USP38: variants seen among roughly 807,000 people sequenced by gnomAD.
The protein encoded by USP38 is ubiquitin carboxyl-terminal hydrolase 38.
A neutral mutation model predicts 94.3 loss-of-function variants in USP38; 49 were observed. The ratio of observed to expected loss-of-function variants is 0.52; its 90% CI spans 0.41 to 0.66. USP38 has a LOEUF of 0.66. Among genes scored for constraint, USP38 ranks in the 30% least tolerant of loss-of-function variants. The pLI, the probability that USP38 is intolerant of heterozygous loss-of-function variation, is 0.00. For missense variants in USP38, 1,128 were observed against 1,229.4 expected (o/e 0.92, Z 1.23); for synonymous variants, 468 against 463.6 (o/e 1.01, Z -0.12).
Position 143,185,531 on chromosome 4 carries a change from A to G in USP38, c.81A>G (p.Glu27=). ...GGGTGATTGTGCGGAAGGTGGTGGA[A>G]TCGGCGGAGCACTGGCTAGACGAGG... The part of the protein sequence containing the change: ...LKRVIVRKVV[E]SAEHWLDEAQ... Residue 27 remains glutamate (E), a synonymous_variant, in exon 1 of 10, where the codon GAA becomes GAG. Transcript: ENST00000307017. 6.2e-7 allele frequency: 1 copy of G among 1,613,494 alleles called. No individual in the cohort carries two copies. The highest frequency in any genetic ancestry group is 1.3e-5 in the African/African-American group (1 of 75,020).
intron 9 of USP38, among the ~76,000 whole-genome samples, chr4:143,216,862 G>A (rs1732198886): frequency 6.6e-6 from 1 of 152,086 alleles, no homozygotes; most frequent in Non-Finnish European, 1.5e-5. Context: ...CCAGGCTGGA[G>A]TGCAGTGGTG....
intron 5 of USP38, among the ~76,000 whole-genome samples, chr4:143,204,162 T>C (rs1731795606): frequency 6.6e-6 from 1 of 152,014 alleles, no homozygotes; most frequent in Admixed American, 6.5e-5. Flanking sequence ...GTATTTTTAG[T>C]AGAGACAGGG....
At chr4:143,192,528 G>A (rs1027070603) in intron 2 of USP38, among the ~76,000 whole-genome samples, 7 of 142,264 alleles carry the variant, frequency 4.9e-5, no homozygotes, top group Non-Finnish European at 7.6e-5. Flanking sequence ...TTTAGGGAGT[G>A]TCTCTATCAG....
Position 143,187,876 on chromosome 4 carries a change from C to T in USP38, c.733C>T (p.Pro245Ser). ...VALASLVQHI[P>S]LQMITVLIRS... ...ATTGGCAAGCCTTGTGCAGCATATTCCTCTTCAGATGATTACAGTTCTCAT... is the reference window on the plus strand; with the variant it reads ...ATTGGCAAGCCTTGTGCAGCATATTTCTCTTCAGATGATTACAGTTCTCAT... The change falls in exon 2 of 10, where the codon CCT (proline) becomes TCT (serine). Residue 245 changes from proline to serine, a missense_variant. By Grantham distance (74) the Pro-to-Ser change is moderately conservative (BLOSUM62 -1). Coordinates refer to ENST00000307017, the MANE Select transcript of USP38 (RefSeq NM_032557.6). 2 of 1,613,614 alleles carry T rather than the reference C, an allele frequency of 1.2e-6. No individual in the cohort carries two copies. The highest frequency in any genetic ancestry group is 1.7e-5 in the Admixed American group (1 of 59,968).
intron 9 of USP38, chr4:143,215,250 C>T: frequency 3.0e-6 from 1 of 334,478 alleles, no homozygotes; most frequent in East Asian, 6.3e-5. Context: ...CCTCCCTCTT[C>T]CTCTCAGCCT....
At chr4:143,194,153 C>T (rs1177654045) in intron 2 of USP38, among the ~76,000 whole-genome samples, 2 of 152,154 alleles carry the variant, frequency 1.3e-5, no homozygotes, top group Non-Finnish European at 2.9e-5. Flanking sequence ...TATTTATGTC[C>T]TTAGTGTTTA....
At chr4:143,188,492 T>C (rs1168522383) in intron 2 of USP38, among the ~76,000 whole-genome samples, 1 of 152,124 alleles carries the variant, frequency 6.6e-6, no homozygotes, top group Non-Finnish European at 1.5e-5. Context: ...CCTTTGGGCA[T>C]CTGTTGTTGC....
Position 143,185,717 on chromosome 4 carries a change from T to C in USP38, c.267T>C (p.Leu89=). ...FFNKTFVLGL[L]HQGYHSLDRK... Reference sequence around the variant, plus strand: ...ACAAGACCTTCGTGTTGGGCCTCCTTCATCAGGGCTACCACTCTCTGGACA... The same window carrying C: ...ACAAGACCTTCGTGTTGGGCCTCCTCCATCAGGGCTACCACTCTCTGGACA... Residue 89 remains leucine (L), a synonymous_variant, in exon 1 of 10, where the codon CTT becomes CTC. Coordinates refer to ENST00000307017, the MANE Select transcript of USP38 (RefSeq NM_032557.6). The C allele has an allele frequency of 1.2e-6, 2 of 1,614,120 alleles. No homozygotes were observed. The highest frequency in any genetic ancestry group is 8.5e-7 in the Non-Finnish European group (1 of 1,180,014).
In USP38 at chr4:143,185,276, T is replaced by A. The variant is rs1368233606; in HGVS notation, c.-175T>A. On this transcript the variant is annotated 5_prime_UTR_variant, in exon 1 of 10. Transcript: ENST00000307017. ...AGGCTCGCTAGCTCCCGCCCCGGCT[T>A]GGATGGGTCTCCCTGCGCCATAAAT... 10 of 705,164 alleles carry A rather than the reference T, an allele frequency of 1.4e-5. No individual in the cohort carries two copies. In the East Asian group the frequency reaches 2.8e-4, roughly 20 times the overall value. 43.7% of individuals were successfully genotyped at this position (705,164 alleles called of 1,614,324 possible). A position where few individuals can be genotyped will look rare whatever the true frequency, so the allele number is the denominator to read the frequency against.
chr4:143,194,744 G>A (rs1256234547), intron 2 of USP38, among the ~76,000 whole-genome samples: 1 of 152,194 alleles, frequency 6.6e-6, no homozygotes. Flanking sequence ...CTGACCTCTG[G>A]TGATCCAGCC....
At position 143,220,555 on chromosome 4, in the gene USP38, G is replaced by A; in HGVS notation, c.*99G>A. The A allele has an allele frequency of 8.2e-7, 1 of 1,226,680 alleles. No homozygotes were observed. The highest frequency in any genetic ancestry group is 1.1e-6 in the Non-Finnish European group (1 of 933,356). The allele number at this position is 1,226,680 out of a possible 1,614,324, so 76.0% of individuals were successfully genotyped here. A position where few individuals can be genotyped will look rare whatever the true frequency, so the allele number is the denominator to read the frequency against. On this transcript the variant is annotated 3_prime_UTR_variant, in exon 10 of 10. Coordinates refer to ENST00000307017, the MANE Select transcript of USP38 (RefSeq NM_032557.6). ...AATATCTATCTTTTATTTTTCATTA[G>A]ACCCTTATACTTCAAGAGAACACAC... is the stretch of plus-strand genomic sequence containing the variant.
chr4:143,201,314 A>T (rs1042639273), intron 4 of USP38, among the ~76,000 whole-genome samples: 11 of 152,332 alleles, frequency 7.2e-5, no homozygotes, highest in African/African-American at 2.6e-4. Context: ...TGCTTTGACA[A>T]CTGGCTAGCC....
chr4:143,186,453 T>C (rs10461277), intron 1 of USP38, among the ~76,000 whole-genome samples: 8,045 of 152,310 alleles, frequency 0.053, 289 homozygotes, highest in Non-Finnish European at 0.078. Flanking sequence ...TGCAGAAAGC[T>C]TCCATTCATT....
At chr4:143,218,850 C>T (rs747879320) in intron 9 of USP38, among the ~76,000 whole-genome samples, 48 of 152,098 alleles carry the variant, frequency 3.2e-4, no homozygotes, top group Non-Finnish European at 5.3e-4. Context: ...ATAGTTTCAT[C>T]GCTTGTTTGG....
intron 5 of USP38, among the ~76,000 whole-genome samples, chr4:143,203,902 A>G (rs901857293): frequency 2.6e-5 from 4 of 152,180 alleles, no homozygotes; most frequent in East Asian, 1.9e-4. Context: ...GTGTTAAAGT[A>G]TATGTAGAGT....
At chr4:143,187,693 G>A (rs928993478) in intron 1 of USP38, 133 bp from the exon 2 acceptor site, 17 of 884,668 alleles carry the variant, frequency 1.9e-5, no homozygotes, top group Non-Finnish European at 2.5e-5. Context: ...GTCTACCCAT[G>A]AGGGTGTAGC....
At chr4:143,201,128 T>C (rs1457502973) in intron 4 of USP38, among the ~76,000 whole-genome samples, 2 of 152,194 alleles carry the variant, frequency 1.3e-5, no homozygotes, top group Non-Finnish European at 2.9e-5. Context: ...CTTCAAATTA[T>C]ACTACAGGGC....
rs954220753 is a variant in USP38, at chr4:143,185,297, T to C, written c.-154T>C. ...GGCTTGGATGGGTCTCCCTGCGCCA[T>C]AAATGTGGCTGCTGAGGCGGCGGTG... On this transcript the variant is annotated 5_prime_UTR_variant, in exon 1 of 10. The change abolishes the stop of an existing upstream ORF in the 5' untranslated region. Coordinates refer to ENST00000307017, the MANE Select transcript of USP38 (RefSeq NM_032557.6). 1.2e-6 allele frequency: 1 copy of C among 820,454 alleles called. No homozygotes were observed. Among genetic ancestry groups the C allele is most frequent in the Admixed American group, 3.0e-5 (1 of 33,578 alleles). The allele number at this position is 820,454 out of a possible 1,614,324, so 50.8% of individuals were successfully genotyped here. A position where few individuals can be genotyped will look rare whatever the true frequency, so the allele number is the denominator to read the frequency against.
chr4:143,189,999 A>T (rs1731347238), intron 2 of USP38, among the ~76,000 whole-genome samples: 1 of 151,930 alleles, frequency 6.6e-6, no homozygotes, highest in Admixed American at 6.6e-5. Flanking sequence ...CCAAGTCTTT[A>T]TGTGAAGTTC....
Sources: allele counts gnomAD v4.1 joint callset (sites outside exome capture counted in the v4.1 genomes callset), GRCh38; gene constraint gnomAD v4.1.1; transcripts MANE v1.5; gene names NCBI Gene and HGNC (gene_info 2026-07-23, HGNC 2026-07-21).